JCAD: variants seen among roughly 807,000 people sequenced by gnomAD.
The protein encoded by JCAD is junctional cadherin 5-associated protein.
Under a neutral mutation model 98.0 loss-of-function variants are expected in JCAD, and 40 were observed. The observed-to-expected ratio is 0.41, with a 90% CI of 0.32 to 0.53. The LOEUF (loss-of-function observed/expected upper bound fraction) is 0.53. Among genes scored for constraint, JCAD ranks in the 20% least tolerant of loss-of-function variants. JCAD has a pLI of 0.31. For missense variants in JCAD, 1,705 were observed against 1,738.1 expected, an observed-to-expected ratio of 0.98 and a Z score of 0.34; for synonymous variants, 691 against 682.3, an observed-to-expected ratio of 1.01 and a Z score of -0.20.
At chr10:30,019,374 A>G (rs11814603) in intron 3 of JCAD, among the ~76,000 whole-genome samples, 55,526 of 146,190 alleles carry the variant, frequency 0.38, 10,879 homozygotes, top group Middle Eastern at 0.44. Flanking sequence ...AAAAAAAAAA[A>G]AAAGAAAAAA....
At chr10:30,092,127 A>ATATATATAT (rs1589715617) in intron 1 of JCAD, among the ~76,000 whole-genome samples, 2 of 80,900 alleles carry the variant, frequency 2.5e-5, no homozygotes, top group African/African-American at 5.8e-5. Flanking sequence ...TATATATATA[A>ATATATATAT]AAAACATTTT....
At chr10:30,109,073 A>T (rs1171561480) in intron 1 of JCAD, among the ~76,000 whole-genome samples, 1 of 152,138 alleles carries the variant, frequency 6.6e-6, no homozygotes, top group Non-Finnish European at 1.5e-5. Context: ...GGCACCCAGC[A>T]TCTTCCCTCG....
intron 2 of JCAD, among the ~76,000 whole-genome samples, chr10:30,041,752 C>G (rs1285296677): frequency 6.6e-6 from 1 of 152,204 alleles, no homozygotes; most frequent in African/African-American, 2.4e-5. Context: ...GTATAACTTT[C>G]AGCTTCAAAC....
intron 1 of JCAD, among the ~76,000 whole-genome samples, chr10:30,071,214 T>C (rs1057386039): frequency 6.6e-6 from 1 of 152,196 alleles, no homozygotes; most frequent in African/African-American, 2.4e-5. Flanking sequence ...CCTAAAGTAT[T>C]AATAAAAATG....
At chr10:30,071,088 A>G (rs563620815) in intron 1 of JCAD, among the ~76,000 whole-genome samples, 2 of 152,106 alleles carry the variant, frequency 1.3e-5, no homozygotes, top group Non-Finnish European at 2.9e-5. Flanking sequence ...TGTTTTTAGT[A>G]GAGATGGGGT....
chr10:30,110,629 T>C (rs1165040042), intron 1 of JCAD, among the ~76,000 whole-genome samples: 1 of 152,056 alleles, frequency 6.6e-6, no homozygotes. Context: ...CCTCCTGATG[T>C]ATGCCTCCTC....
chr10:30,091,104 G>A (rs373983343), intron 1 of JCAD, among the ~76,000 whole-genome samples: 5 of 152,236 alleles, frequency 3.3e-5, no homozygotes, highest in African/African-American at 4.8e-5. Flanking sequence ...CGACTGGTAC[G>A]TTTATGAGAG....
intron 2 of JCAD, among the ~76,000 whole-genome samples, chr10:30,043,819 G>C (rs1231605361): frequency 6.6e-6 from 1 of 152,226 alleles, no homozygotes; most frequent in East Asian, 1.9e-4. Flanking sequence ...AGCCCGGGGG[G>C]TGGGGAAGTT....
rs1302196768 is a variant in JCAD, at chr10:30,029,785, T to C, written c.363A>G (p.Gln121=). The change falls in exon 3 of 4, where the codon CAA becomes CAG. Residue 121 remains glutamine (Q), a synonymous_variant. Transcript: ENST00000375377. ...CCCTCGGCTTCTGGCTCCTGGCTTC[T>C]TGCCGTCCTCTTCTCCGGTAGGCTT... ...NDQAYRRRGR[Q]EARSQKPREH... is the part of the protein sequence containing the mutation. 5.0e-6 allele frequency: 8 copies of C among 1,614,134 alleles called. No individual in the cohort carries two copies. Among genetic ancestry groups the C allele is most frequent in the African/African-American group, 1.3e-5 (1 of 74,948 alleles).
chr10:30,103,288 G>A (rs1299235659), intron 1 of JCAD, among the ~76,000 whole-genome samples: 2 of 152,128 alleles, frequency 1.3e-5, no homozygotes, highest in Non-Finnish European at 2.9e-5. Flanking sequence ...ATCACTTCAA[G>A]ATCTTGACTT....
intron 2 of JCAD, among the ~76,000 whole-genome samples, chr10:30,030,589 A>C (rs1396278052): frequency 6.6e-6 from 1 of 152,154 alleles, no homozygotes; most frequent in Non-Finnish European, 1.5e-5. Context: ...TGCTTTTAAA[A>C]ACACTGTTTT....
intron 3 of JCAD, among the ~76,000 whole-genome samples, chr10:30,018,838 T>C (rs1456561676): frequency 1.3e-5 from 2 of 152,174 alleles, no homozygotes; most frequent in Non-Finnish European, 2.9e-5. Flanking sequence ...ACAGCCATTA[T>C]GGAAACATTA....
chr10:30,103,894 G>C (rs1277891705), intron 1 of JCAD, among the ~76,000 whole-genome samples: 2 of 151,996 alleles, frequency 1.3e-5, no homozygotes, highest in Non-Finnish European at 1.5e-5. Flanking sequence ...ATCACGCTTG[G>C]CTAATTTTTT....
Position 30,015,637 on chromosome 10 carries a change from T to C in JCAD, c.*2246A>G, listed in dbSNP as rs936094831. ...ATCACAGAAGGTACAACAGTTTTTC[T>C]TCCTTGGGGATCCTTCTCTTTCTCT... On this transcript the variant is annotated 3_prime_UTR_variant, in exon 4 of 4. Coordinates refer to ENST00000375377, the MANE Select transcript of JCAD (RefSeq NM_020848.4). The C allele has an allele frequency of 3.3e-5, 5 of 152,138 alleles. No individual in the cohort carries two copies. The highest frequency in any genetic ancestry group is 3.3e-4 in the Admixed American group (5 of 15,280). 9.4% of individuals were successfully genotyped at this position (152,138 alleles called of 1,614,324 possible).
upstream of JCAD, chr10:30,059,625 C>A (rs1182614740): frequency 1.3e-5 from 2 of 152,614 alleles, no homozygotes; most frequent in East Asian, 3.9e-4. The surrounding 1 kb of genome is among the most constrained non-coding windows in gnomAD (Gnocchi z 5.0). Flanking sequence ...CCCGGGCCCG[C>A]CCCGCCCACC....
chr10:30,074,795 G>GTT (rs200692985), intron 1 of JCAD, among the ~76,000 whole-genome samples: 1 of 148,272 alleles, frequency 6.7e-6, no homozygotes, highest in African/African-American at 2.5e-5. Context: ...CTACTGTTTT[G>GTT]TTTTTTTTTT....
chr10:30,093,593 T>C (rs1838319340), intron 1 of JCAD, among the ~76,000 whole-genome samples: 1 of 152,224 alleles, frequency 6.6e-6, no homozygotes, highest in South Asian at 2.1e-4. Context: ...GTTCCTGAGA[T>C]CCTGCCAAAT....
intron 2 of JCAD, among the ~76,000 whole-genome samples, chr10:30,031,697 C>T (rs1444585647): frequency 6.6e-6 from 1 of 151,382 alleles, no homozygotes; most frequent in Non-Finnish European, 1.5e-5. Context: ...CCACCTCGGC[C>T]TCCCAAAGTG....
intron 1 of JCAD, among the ~76,000 whole-genome samples, chr10:30,103,882 C>G (rs1351560249): frequency 6.6e-6 from 1 of 152,020 alleles, no homozygotes; most frequent in African/African-American, 2.4e-5. Flanking sequence ...CAGGCATGCA[C>G]CATCACGCTT....
Sources: allele counts gnomAD v4.1 joint callset (sites outside exome capture counted in the v4.1 genomes callset), GRCh38; gene constraint gnomAD v4.1.1; non-coding constraint Gnocchi (gnomAD v3.1); transcripts MANE v1.5; gene names NCBI Gene and HGNC (gene_info 2026-07-23, HGNC 2026-07-21).